Variants in COL4A6 observed in about 807,000 individuals in gnomAD.
The protein encoded by COL4A6 is collagen alpha-6(IV) chain.
COL4A6 carries 59 observed loss-of-function variants against 126.7 expected under a neutral mutation model. The ratio of observed to expected loss-of-function variants is 0.47; its 90% CI spans 0.38 to 0.58. COL4A6 has a LOEUF of 0.58. Ranked by LOEUF, COL4A6 falls within the 20% of genes least tolerant of loss-of-function variation. COL4A6 has a pLI of 0.00. For synonymous variants in COL4A6, 547 were observed against 496.6 expected (o/e 1.10, Z -1.35); for missense variants, 1,285 against 1,337.3 (o/e 0.96, Z 0.61).
chrX:108,338,412 G>A (rs1258450028), intron 2 of COL4A6, among the ~76,000 whole-genome samples: 1 of 112,022 alleles, frequency 8.9e-6, no homozygotes, highest in Non-Finnish European at 1.9e-5. Flanking sequence ...ATAGTCTTGG[G>A]AATGAAGACT....
At chrX:108,297,970 C>CCA (rs755481604) in intron 3 of COL4A6, among the ~76,000 whole-genome samples, 138 of 105,412 alleles carry the variant, frequency 1.3e-3, no homozygotes, top group East Asian at 5.1e-3. Context: ...AGTACACACA[C>CCA]CACACACACA....
chrX:108,254,800 G>A (rs1465612385), intron 3 of COL4A6, among the ~76,000 whole-genome samples: 1 of 110,269 alleles, frequency 9.1e-6, no homozygotes, highest in Non-Finnish European at 1.9e-5. Context: ...TGGGGGAATT[G>A]TGTGGAATGG....
intron 2 of COL4A6, among the ~76,000 whole-genome samples, chrX:108,435,318 G>A (rs1015738681): frequency 1.8e-5 from 2 of 111,718 alleles, no homozygotes; most frequent in African/African-American, 3.3e-5. Flanking sequence ...TTTTTTCCTA[G>A]ATATATTGGC....
At chrX:108,288,584 C>T (rs1224074982) in intron 3 of COL4A6, among the ~76,000 whole-genome samples, 3 of 111,181 alleles carry the variant, frequency 2.7e-5, no homozygotes, top group East Asian at 5.6e-4. Flanking sequence ...GATAAGGTCC[C>T]TTGTCATGTG....
At chrX:108,418,239 T>C (rs2041470941) in intron 2 of COL4A6, among the ~76,000 whole-genome samples, 1 of 112,296 alleles carries the variant, frequency 8.9e-6, no homozygotes, top group Non-Finnish European at 1.9e-5. Flanking sequence ...GCTATGCTAA[T>C]GGCATGAATA....
In COL4A6 at chrX:108,399,064, G is replaced by A. The variant is rs767645241; in HGVS notation, c.63+38878C>T. Among the ~76,000 whole-genome samples, 4 of 111,271 alleles carry A rather than the reference G, an allele frequency of 3.6e-5. 1 individual carries two copies. Among genetic ancestry groups the A allele is most frequent in the Admixed American group, 2.9e-4 (3 of 10,446 alleles). Reference sequence around the variant, plus strand: ...GTATGGCCAGTCAAAGTCTTGGGAGGCATTATATCTATTTTGCTGGCCATG... The same window carrying A: ...GTATGGCCAGTCAAAGTCTTGGGAGACATTATATCTATTTTGCTGGCCATG... On this transcript the variant is annotated intron_variant, in intron 2 of 44. Coordinates refer to ENST00000334504, the MANE Select transcript of COL4A6 (RefSeq NM_033641.4).
intron 37 of COL4A6, among the ~76,000 whole-genome samples, chrX:108,167,682 C>T (rs2034173621): frequency 9.0e-6 from 1 of 111,006 alleles, no homozygotes; most frequent in South Asian, 3.9e-4. Context: ...TGCACTGACT[C>T]CCGTTGTCAA....
intron 26 of COL4A6, 64 bp from the exon 27 acceptor site, chrX:108,178,909 C>G: frequency 9.0e-7 from 1 of 1,113,386 alleles, no homozygotes; most frequent in Non-Finnish European, 1.2e-6. Flanking sequence ...GTCAGCAAAC[C>G]AACTTCCAGG....
At position 108,162,243 on chromosome X, in the gene COL4A6, C is replaced by T. The variant is rs186096007; in HGVS notation, c.4217-508G>A. The stretch of plus-strand genomic sequence containing the variant: ...TATGCACCTGTAGTCCCCGCTACTC[C>T]GGAGGCTGAGGCGGGAGAATCACTT... On this transcript the variant is annotated intron_variant, in intron 41 of 44. Transcript: ENST00000334504. Among the ~76,000 whole-genome samples the T allele has an allele frequency of 5.1e-3, 557 of 110,079 alleles. 4 individuals carry two copies. Among genetic ancestry groups the T allele is most frequent in the African/African-American group, 0.017 (515 of 30,235 alleles).
At chrX:108,399,249 T>C (rs1203848287) in intron 2 of COL4A6, among the ~76,000 whole-genome samples, 2 of 111,460 alleles carry the variant, frequency 1.8e-5, no homozygotes, top group African/African-American at 6.5e-5. Context: ...TACGAACTCA[T>C]TCAGTTTAAT....
At chrX:108,275,918 T>A (rs2037588234) in intron 3 of COL4A6, among the ~76,000 whole-genome samples, 1 of 112,662 alleles carries the variant, frequency 8.9e-6, no homozygotes, top group Non-Finnish European at 1.9e-5. Context: ...CCAGCCAAAG[T>A]CACAGACACT....
chrX:108,241,561 A>G (rs1429331847), intron 3 of COL4A6, among the ~76,000 whole-genome samples: 2 of 104,027 alleles, frequency 1.9e-5, no homozygotes, highest in African/African-American at 3.4e-5. Flanking sequence ...ATATATATAT[A>G]TATATATATA....
chrX:108,185,371 G>T, intron 23 of COL4A6, among the ~76,000 whole-genome samples: 1 of 94,281 alleles, frequency 1.1e-5, no homozygotes, highest in Admixed American at 1.1e-4. Flanking sequence ...CAGCCTGGGT[G>T]AGAGTAAGAC....
intron 2 of COL4A6, among the ~76,000 whole-genome samples, chrX:108,316,462 G>A (rs1264475623): frequency 1.8e-5 from 2 of 111,683 alleles, no homozygotes; most frequent in Non-Finnish European, 3.8e-5. Context: ...GAAGTGTTGG[G>A]GTTAGGTTGT....
chrX:108,376,734 G>T (rs1012091272), intron 2 of COL4A6, among the ~76,000 whole-genome samples: 2 of 112,994 alleles, frequency 1.8e-5, no homozygotes, highest in African/African-American at 6.4e-5. Context: ...TATTTGTTTT[G>T]TTGCAATTAT....
chrX:108,281,667 A>T (rs1310937663), intron 3 of COL4A6, among the ~76,000 whole-genome samples: 112 of 111,211 alleles, frequency 1.0e-3, no homozygotes, highest in African/African-American at 3.6e-3. Flanking sequence ...TATGGAACCA[A>T]AAAAGAGCCC....
intron 29 of COL4A6, 147 bp from the exon 30 acceptor site, chrX:108,175,362 A>G: frequency 1.4e-6 from 1 of 734,842 alleles, no homozygotes; most frequent in Non-Finnish European, 1.9e-6. Context: ...CCCCAACTTC[A>G]CATTTCTGTG....
intron 2 of COL4A6, among the ~76,000 whole-genome samples, chrX:108,394,926 T>C (rs1303220460): frequency 9.0e-6 from 1 of 111,292 alleles, no homozygotes; most frequent in Non-Finnish European, 1.9e-5. Flanking sequence ...TTTTATATAT[T>C]AAGCAGAAGA....
chrX:108,206,248 T>G (rs781030661), intron 9 of COL4A6: 28 of 436,600 alleles, frequency 6.4e-5, no homozygotes, highest in Admixed American at 2.2e-4. Flanking sequence ...GCAAGAAATG[T>G]GTCAGGGATC....
Sources: gnomAD v4.1 joint callset for allele counts (sites outside exome capture counted in the v4.1 genomes callset) on GRCh38, gnomAD v4.1.1 for gene constraint, MANE v1.5 for transcripts, NCBI Gene and HGNC (gene_info 2026-07-23, HGNC 2026-07-21) for gene names.